NR3C1: variants seen among roughly 807,000 people sequenced by gnomAD.
The protein encoded by NR3C1 is nuclear receptor subfamily 3 group C member 1.
A neutral mutation model predicts 74.0 loss-of-function variants in NR3C1; 14 were observed. The ratio of observed to expected loss-of-function variants is 0.19; its 90% CI spans 0.12 to 0.30. The LOEUF (loss-of-function observed/expected upper bound fraction) is 0.30, where lower values mean the gene tolerates loss of function less well. Among genes scored for constraint, NR3C1 ranks in the 10% least tolerant of loss-of-function variants. The pLI is 1.00. For synonymous variants in NR3C1, 308 were observed against 332.5 expected (o/e 0.93, Z 0.80); for missense variants, 695 against 909.8 (o/e 0.76, Z 3.04).
intron 1 of NR3C1, among the ~76,000 whole-genome samples, chr5:143,432,910 T>C (rs1315953480): frequency 6.6e-6 from 1 of 152,174 alleles, no homozygotes; most frequent in Admixed American, 6.5e-5. Flanking sequence ...CCCACGTTCA[T>C]TCGTTCCTTT....
chr5:143,366,735 C>T (rs890553964), intron 2 of NR3C1, among the ~76,000 whole-genome samples: 2 of 152,062 alleles, frequency 1.3e-5, no homozygotes, highest in Admixed American at 6.6e-5. Context: ...AATTCCTCAA[C>T]CAACTGTCAA....
intron 2 of NR3C1, among the ~76,000 whole-genome samples, chr5:143,390,975 A>G (rs1482090857): frequency 6.6e-6 from 1 of 152,194 alleles, no homozygotes; most frequent in African/African-American, 2.4e-5. Context: ...AGGCAGTTTC[A>G]AAGAGGAGCA....
chr5:143,297,051 T>C (rs1002469701), intron 6 of NR3C1, among the ~76,000 whole-genome samples: 10 of 123,924 alleles, frequency 8.1e-5, no homozygotes, highest in Non-Finnish European at 1.3e-4. Flanking sequence ...CACTTGAGCC[T>C]GGGTGACAGA....
chr5:143,279,186 A>G lies in NR3C1; in HGVS notation c.*2703T>C, dbSNP rs969400988. 4.5e-6 allele frequency: 3 copies of G among 666,292 alleles called. No homozygotes were observed. The highest frequency in any genetic ancestry group is 7.3e-6 in the Non-Finnish European group (3 of 412,376). 41.3% of individuals were successfully genotyped at this position (666,292 alleles called of 1,614,324 possible). ...AAATCCACAATTAAACATAATTAAGATGACTTTCTTTTCCCCCACGTATCC... is the reference window on the plus strand; with the variant it reads ...AAATCCACAATTAAACATAATTAAGGTGACTTTCTTTTCCCCCACGTATCC... On this transcript the variant is annotated 3_prime_UTR_variant, in exon 9 of 9. Transcript: ENST00000394464.
In NR3C1 at chr5:143,403,108, TAA is replaced by T. The variant is rs1328931054; in HGVS notation, c.-14+101_-14+102del. 4 of 460,666 alleles carry T rather than the reference TAA, an allele frequency of 8.7e-6. No individual in the cohort carries two copies. In the African/African-American group the frequency reaches 1.0e-4, roughly 12 times the overall value. The allele number at this position is 460,666 out of a possible 1,614,324, so 28.5% of individuals were successfully genotyped here. A position where few individuals can be genotyped will look rare whatever the true frequency, so the allele number is the denominator to read the frequency against. On this transcript the variant is annotated intron_variant, in intron 1 of 8. Coordinates refer to ENST00000394464, the MANE Select transcript of NR3C1 (RefSeq NM_000176.3). ...CCCCACCCCCACTCCCCGAGGCTAA[TAA>T]AAGTTTGTAGGCTCCCGCGGCGGCC...
intron 2 of NR3C1, among the ~76,000 whole-genome samples, chr5:143,398,059 TA>T (rs1475197081): frequency 6.6e-6 from 1 of 151,972 alleles, no homozygotes; most frequent in Admixed American, 6.5e-5. Flanking sequence ...TAAATCAATT[TA>T]AGAGTTTCCT....
At chr5:143,336,055 C>G (rs1827064722) in intron 2 of NR3C1, among the ~76,000 whole-genome samples, 1 of 152,214 alleles carries the variant, frequency 6.6e-6, no homozygotes, top group South Asian at 2.1e-4. Flanking sequence ...GGGTGTTTGT[C>G]TTCTCTTGAT....
At chr5:143,331,561 AG>A (rs1825943986) in intron 2 of NR3C1, among the ~76,000 whole-genome samples, 2 of 152,240 alleles carry the variant, frequency 1.3e-5, no homozygotes, top group African/African-American at 2.4e-5. Context: ...GACTGCATAA[AG>A]AAAATGTGGT....
intron 2 of NR3C1, among the ~76,000 whole-genome samples, chr5:143,388,630 A>G (rs1455731819): frequency 1.3e-5 from 2 of 152,214 alleles, no homozygotes; most frequent in Non-Finnish European, 2.9e-5. Context: ...TAGAGCAGTC[A>G]GAGATCTCTT....
Position 143,300,733 on chromosome 5 carries a change from ATTCCTT to A in NR3C1, c.1493_1498del (p.Lys498_Gly499del). ...TGAGACTCCTGTAGTGGCCTGCTGAATTCCTTTTATTTTTTTCTTTGTTTTTCGAGC... is the reference window on the plus strand; with the variant it reads ...TGAGACTCCTGTAGTGGCCTGCTGAATTATTTTTTTCTTTGTTTTTCGAGC... On this transcript the variant is annotated inframe_deletion, in exon 5 of 9. Coordinates refer to ENST00000394464, the MANE Select transcript of NR3C1 (RefSeq NM_000176.3). This position sits in a 1 kb window ranked among gnomAD's most constrained non-coding sequence, Gnocchi z 5.2. 6.2e-7 allele frequency: 1 copy of A among 1,613,726 alleles called. No homozygotes were observed. The highest frequency in any genetic ancestry group is 8.5e-7 in the Non-Finnish European group (1 of 1,179,884).
chr5:143,384,269 G>A (rs1836777615), intron 2 of NR3C1, among the ~76,000 whole-genome samples: 1 of 152,154 alleles, frequency 6.6e-6, no homozygotes, highest in African/African-American at 2.4e-5. Context: ...GGGATTACAA[G>A]TGATTGAGAT....
intron 2 of NR3C1, among the ~76,000 whole-genome samples, chr5:143,342,853 T>G (rs777216954): frequency 9.9e-5 from 15 of 152,136 alleles, no homozygotes; most frequent in Non-Finnish European, 1.9e-4. Flanking sequence ...TCAAAGGACC[T>G]TTAGACATAG....
At chr5:143,395,349 T>C (rs1321250754) in intron 2 of NR3C1, among the ~76,000 whole-genome samples, 3 of 151,920 alleles carry the variant, frequency 2.0e-5, no homozygotes, top group African/African-American at 4.8e-5. Flanking sequence ...TTAAAAATCC[T>C]TTCTAAAGGT....
chr5:143,353,310 C>T (rs1830535767), intron 2 of NR3C1, among the ~76,000 whole-genome samples: 2 of 152,318 alleles, frequency 1.3e-5, no homozygotes, highest in Admixed American at 1.3e-4. Context: ...TTGGAATCAA[C>T]TTCTTTCAAA....
chr5:143,418,031 C>G (rs1389374434), intron 1 of NR3C1, among the ~76,000 whole-genome samples: 1 of 152,084 alleles, frequency 6.6e-6, no homozygotes, highest in Non-Finnish European at 1.5e-5. Flanking sequence ...ATACTACAGC[C>G]AAAAGAAACA....
At chr5:143,392,946 T>G (rs918786541) in intron 2 of NR3C1, among the ~76,000 whole-genome samples, 3 of 152,224 alleles carry the variant, frequency 2.0e-5, no homozygotes, top group South Asian at 2.1e-4. Flanking sequence ...ATATTCAAAC[T>G]GGCAACACCG....
chr5:143,422,188 G>GCAT (rs1751271823), intron 1 of NR3C1, among the ~76,000 whole-genome samples: 1 of 152,070 alleles, frequency 6.6e-6, no homozygotes, highest in Non-Finnish European at 1.5e-5. Context: ...ATTTCTTGAA[G>GCAT]CATTGATTTT....
intron 1 of NR3C1, among the ~76,000 whole-genome samples, chr5:143,413,177 T>A (rs1841355266): frequency 2.6e-5 from 4 of 152,160 alleles, no homozygotes; most frequent in Admixed American, 2.6e-4. Flanking sequence ...CAGAAATGTG[T>A]TAGATGCATA....
chr5:143,355,434 C>A (rs972944382), intron 2 of NR3C1, among the ~76,000 whole-genome samples: 9 of 152,052 alleles, frequency 5.9e-5, no homozygotes, highest in Non-Finnish European at 1.0e-4. Context: ...TAGGATCATG[C>A]CACTGTGCTC....
Sources: allele counts gnomAD v4.1 joint callset (sites outside exome capture counted in the v4.1 genomes callset), GRCh38; gene constraint gnomAD v4.1.1; non-coding constraint Gnocchi (gnomAD v3.1); transcripts MANE v1.5; gene names NCBI Gene and HGNC (gene_info 2026-07-23, HGNC 2026-07-21).